PLXDC2: variants seen among roughly 807,000 people sequenced by gnomAD.
PLXDC2 encodes the protein plexin domain containing 2.
Under a neutral mutation model 68.9 loss-of-function variants are expected in PLXDC2, and 40 were observed. The ratio of observed to expected loss-of-function variants is 0.58; its 90% confidence interval spans 0.45 to 0.76. PLXDC2 has a LOEUF of 0.76. Ranked by LOEUF, PLXDC2 falls within the 30% of genes least tolerant of loss-of-function variation. The pLI is 0.00. For synonymous variants in PLXDC2, 243 were observed against 234.2 expected, an observed-to-expected ratio of 1.04 and a Z score of -0.34; for missense variants, 644 against 661.9, an observed-to-expected ratio of 0.97 and a Z score of 0.30.
At chr10:20,207,956 G>T (rs1422421082) in intron 9 of PLXDC2, among the ~76,000 whole-genome samples, 2 of 151,948 alleles carry the variant, frequency 1.3e-5, no homozygotes, top group Admixed American at 6.6e-5. Flanking sequence ...CATAATCTCT[G>T]GCAAGGGTTC....
At chr10:20,180,301 G>A (rs965632071) in intron 9 of PLXDC2, among the ~76,000 whole-genome samples, 4 of 151,908 alleles carry the variant, frequency 2.6e-5, no homozygotes, top group African/African-American at 7.2e-5. Context: ...TTAAAATCTT[G>A]GATTTATTTT....
chr10:20,098,882 C>T lies in PLXDC2; in HGVS notation c.541+30643C>T, dbSNP rs1265391723. The stretch of plus-strand genomic sequence containing the variant: ...ATGCAATAGGAATGGCTAACATTTT[C>T]GTGGGCCCTATTCTCCACCTTGAAA... On this transcript the variant is annotated intron_variant, in intron 4 of 13. Coordinates refer to ENST00000377252, the MANE Select transcript of PLXDC2 (RefSeq NM_032812.9). Among the ~76,000 whole-genome samples the T allele has an allele frequency of 3.3e-5, 5 of 152,094 alleles. No homozygotes were observed. The South Asian group carries it at 6.2e-4, about 19-fold the overall frequency.
chr10:20,014,184 C>G (rs5001919), intron 2 of PLXDC2, among the ~76,000 whole-genome samples: 16,930 of 151,158 alleles, frequency 0.11, 1,087 homozygotes, highest in Admixed American at 0.17. Context: ...TCCTTCCCTC[C>G]CTCCCTCCCT....
intron 7 of PLXDC2, among the ~76,000 whole-genome samples, chr10:20,167,009 G>A (rs368945890): frequency 6.6e-6 from 1 of 152,140 alleles, no homozygotes; most frequent in African/African-American, 2.4e-5. Flanking sequence ...AGAATTCAGA[G>A]AAAAATGTCC....
At chr10:20,148,263 TA>T (rs1208613913) in intron 6 of PLXDC2, among the ~76,000 whole-genome samples, 4 of 91,704 alleles carry the variant, frequency 4.4e-5, no homozygotes, top group Non-Finnish European at 9.4e-5. Flanking sequence ...TTTCTTTAGT[TA>T]GTTTTTTTTT....
Position 20,072,285 on chromosome 10 carries a change from G to A in PLXDC2, c.541+4046G>A, listed in dbSNP as rs527374615. The stretch of plus-strand genomic sequence containing the variant: ...CTCAGGAGGCGGCGACAGGAGAATC[G>A]CTTGAACGCTGGAGGAGGAGGTTGT... On this transcript the variant is annotated intron_variant, in intron 4 of 13. Coordinates refer to ENST00000377252, the MANE Select transcript of PLXDC2 (RefSeq NM_032812.9). Among the ~76,000 whole-genome samples, 17 of 151,630 alleles carry A rather than the reference G, an allele frequency of 1.1e-4. No individual in the cohort carries two copies. The South Asian group carries it at 1.7e-3, about 15-fold the overall frequency.
intron 1 of PLXDC2, among the ~76,000 whole-genome samples, chr10:19,862,432 T>A (rs1366557487): frequency 6.6e-6 from 1 of 152,230 alleles, no homozygotes; most frequent in Non-Finnish European, 1.5e-5. Context: ...AGGCACTCTT[T>A]CAGGCAGTGG....
intron 1 of PLXDC2, among the ~76,000 whole-genome samples, chr10:19,854,298 A>G (rs1837174553): frequency 6.6e-6 from 1 of 152,210 alleles, no homozygotes. Context: ...GAAAACACCC[A>G]TTTGTCTTTC....
chr10:20,151,250 A>C (rs1834148728), intron 6 of PLXDC2, among the ~76,000 whole-genome samples: 1 of 152,196 alleles, frequency 6.6e-6, no homozygotes, highest in Admixed American at 6.5e-5. Flanking sequence ...AATATTCCTA[A>C]TCACATGATA....
intron 9 of PLXDC2, among the ~76,000 whole-genome samples, chr10:20,192,091 G>A (rs11011852): frequency 0.23 from 34,473 of 151,924 alleles, 4,893 homozygotes; most frequent in East Asian, 0.49. Flanking sequence ...TTAGGAAGGT[G>A]GTAAAGCTTA....
At chr10:20,138,179 T>C (rs2131784536) in intron 4 of PLXDC2, among the ~76,000 whole-genome samples, 1 of 152,344 alleles carries the variant, frequency 6.6e-6, no homozygotes, top group Non-Finnish European at 1.5e-5. Flanking sequence ...AGGAACTTAA[T>C]TCTTACTGAT....
chr10:20,113,030 C>T (rs1326966376), intron 4 of PLXDC2, among the ~76,000 whole-genome samples: 1 of 152,168 alleles, frequency 6.6e-6, no homozygotes, highest in South Asian at 2.1e-4. Flanking sequence ...GATGCAAATT[C>T]AGTTTCATGG....
At chr10:19,918,178 C>A (rs1204550524) in intron 1 of PLXDC2, among the ~76,000 whole-genome samples, 2 of 152,112 alleles carry the variant, frequency 1.3e-5, no homozygotes, top group African/African-American at 4.8e-5. Flanking sequence ...AGATGAGTTA[C>A]CCCAGGCATG....
chr10:19,831,022 G>A (rs1399716598), intron 1 of PLXDC2, among the ~76,000 whole-genome samples: 1 of 150,702 alleles, frequency 6.6e-6, no homozygotes, highest in East Asian at 1.9e-4. Context: ...TTTTTTGCTT[G>A]TTTGTTTTCT....
intron 3 of PLXDC2, among the ~76,000 whole-genome samples, chr10:20,049,563 C>A (rs1178900724): frequency 1.3e-5 from 2 of 151,738 alleles, no homozygotes; most frequent in African/African-American, 2.4e-5. Context: ...AATACACCAC[C>A]AACAGCCACA....
intron 4 of PLXDC2, among the ~76,000 whole-genome samples, chr10:20,126,084 A>G (rs984219693): frequency 6.8e-6 from 1 of 148,082 alleles, no homozygotes; most frequent in East Asian, 2.0e-4. Context: ...GTATATACAC[A>G]GGCTATATAA....
chr10:19,863,748 T>C (rs1478893901), intron 1 of PLXDC2, among the ~76,000 whole-genome samples: 2 of 152,226 alleles, frequency 1.3e-5, no homozygotes, highest in African/African-American at 4.8e-5. Context: ...ATAAATAAGC[T>C]GTATGTTGGA....
At chr10:19,818,716 A>G (rs1022550024) in intron 1 of PLXDC2, among the ~76,000 whole-genome samples, 4 of 152,118 alleles carry the variant, frequency 2.6e-5, no homozygotes, top group Non-Finnish European at 5.9e-5. Context: ...TTTCTCTGAT[A>G]CGTTTCATTG....
At chr10:20,007,045 A>G (rs151282848) in intron 2 of PLXDC2, among the ~76,000 whole-genome samples, 57 of 152,344 alleles carry the variant, frequency 3.7e-4, no homozygotes, top group African/African-American at 1.3e-3. Context: ...TGCATGTGCT[A>G]CTTTGTATAA....
Sources: allele counts gnomAD v4.1 joint callset (sites outside exome capture counted in the v4.1 genomes callset), GRCh38; gene constraint gnomAD v4.1.1; transcripts MANE v1.5; gene names NCBI Gene and HGNC (gene_info 2026-07-23, HGNC 2026-07-21).